The following NPFFR1 variants were observed in gnomAD, a reference collection of about 807,000 sequenced individuals.
NPFFR1 encodes the protein neuropeptide FF receptor 1.
In NPFFR1, 17 loss-of-function variants were observed where a neutral mutation model predicts 12.7. The observed-to-expected ratio is 1.34, with a 90% CI of 0.92 to 2.01. The LOEUF (loss-of-function observed/expected upper bound fraction) is 2.01, where lower values mean the gene tolerates loss of function less well. Ranked by LOEUF, NPFFR1 falls within the 30% of genes most tolerant of loss-of-function variation. The pLI is 0.00. For synonymous variants in NPFFR1, 296 were observed against 264.5 expected, an observed-to-expected ratio of 1.12 and a Z score of -1.16; for missense variants, 604 against 606.5, an observed-to-expected ratio of 1.00 and a Z score of 0.04.
intron 3 of NPFFR1, 48 bp downstream of exon 3, chr10:70,260,592 G>A: frequency 6.6e-7 from 1 of 1,505,488 alleles, no homozygotes; most frequent in Non-Finnish European, 9.1e-7. Context: ...TCCTCTTAAT[G>A]CCAGGCCCTA....
chr10:70,266,371 T>C lies in NPFFR1; in HGVS notation c.28A>G (p.Asn10Asp), dbSNP rs751264055. Reference protein sequence around the residue: MEGEPSQPPNSSWPLSQNGT... With the variant: MEGEPSQPPDSSWPLSQNGT... ...TTCTGACTTAGGGGCCAACTGCTGTTGGGAGGCTGGGAGGGCTCCCCTAGG... is the reference window on the plus strand; with the variant it reads ...TTCTGACTTAGGGGCCAACTGCTGTCGGGAGGCTGGGAGGGCTCCCCTAGG... Residue 10 changes from asparagine to aspartate, a missense_variant, in exon 2 of 4, where the codon AAC becomes GAC. Asn to Asp is a conservative substitution (Grantham distance 23). Transcript: ENST00000277942. The C allele has an allele frequency of 6.8e-6, 11 of 1,612,898 alleles. No individual in the cohort carries two copies. In the Admixed American group the frequency reaches 1.0e-4, roughly 15 times the overall value.
chr10:70,271,515 A>G (rs1840742394), intron 1 of NPFFR1, among the ~76,000 whole-genome samples: 1 of 152,072 alleles, frequency 6.6e-6, no homozygotes, highest in Non-Finnish European at 1.5e-5. Context: ...TCTTTCTCAA[A>G]TAAAAAATAA....
chr10:70,278,496 G>T (rs1244006232), intron 1 of NPFFR1, among the ~76,000 whole-genome samples: 10 of 152,058 alleles, frequency 6.6e-5, no homozygotes, highest in Non-Finnish European at 1.5e-4. Flanking sequence ...TTGCCTTGTG[G>T]GTGTTACAGC....
chr10:70,259,945 C>T (rs1177520080), intron 3 of NPFFR1, among the ~76,000 whole-genome samples: 4 of 152,208 alleles, frequency 2.6e-5, no homozygotes, highest in Non-Finnish European at 5.9e-5. Context: ...GATCTGCCTG[C>T]CCACCTTTCC....
Position 70,248,485 on chromosome 10 carries a change from G to GTTTTTTTTTTTTTTTTT in NPFFR1, c.*6455_*6471dup, listed in dbSNP as rs869052329. 1.1e-5 allele frequency: 1 copy of GTTTTTTTTTTTTTTTTT among 91,320 alleles called. No individual in the cohort carries two copies. Among genetic ancestry groups the GTTTTTTTTTTTTTTTTT allele is most frequent in the African/African-American group, 4.2e-5 (1 of 23,960 alleles). 5.7% of individuals were successfully genotyped at this position (91,320 alleles called of 1,614,324 possible). A position where few individuals can be genotyped will look rare whatever the true frequency, so the allele number is the denominator to read the frequency against. ...GCCTGGCGTTTTTTTTTTGTTTTTT[G>GTTTTTTTTTTTTTTTTT]TTTTTTTTTTTTTTTTTTGAGATGG... On this transcript the variant is annotated 3_prime_UTR_variant, in exon 4 of 4. Transcript: ENST00000277942.
Position 70,260,686 on chromosome 10 carries a change from A to C in NPFFR1, c.376T>G (p.Ser126Ala), listed in dbSNP as rs1840623348. The C allele has an allele frequency of 1.2e-6, 2 of 1,611,312 alleles. No homozygotes were observed. Among genetic ancestry groups the C allele is most frequent in the South Asian group, 2.2e-5 (2 of 90,418 alleles). ...CKMSGLVQGMSVSASVFTLVA... is the reference protein window; with the variant it reads ...CKMSGLVQGMAVSASVFTLVA... ...AGTGTGAAAACGGAAGCCGACACAGACATGCCCTGCACCAAGCCGCTCATC... is the reference window on the plus strand; with the variant it reads ...AGTGTGAAAACGGAAGCCGACACAGCCATGCCCTGCACCAAGCCGCTCATC... The change falls in exon 3 of 4, where the codon TCT becomes GCT. Residue 126 changes from serine (S) to alanine (A), a missense_variant. Physicochemically the swap from Ser to Ala is moderately conservative, Grantham distance 99 (BLOSUM62 1). Coordinates refer to ENST00000277942, the MANE Select transcript of NPFFR1 (RefSeq NM_022146.5).
chr10:70,274,405 C>T (rs1840780283), intron 1 of NPFFR1, among the ~76,000 whole-genome samples: 1 of 151,954 alleles, frequency 6.6e-6, no homozygotes, highest in Admixed American at 6.6e-5. Flanking sequence ...GCTGAGATCG[C>T]ACCACAGCAC....
intron 1 of NPFFR1, among the ~76,000 whole-genome samples, chr10:70,268,519 G>C (rs529451611): frequency 4.6e-5 from 7 of 152,126 alleles, no homozygotes; most frequent in African/African-American, 1.7e-4. Flanking sequence ...TTCTTCTCCT[G>C]GTCTCTCTTG....
intron 1 of NPFFR1, among the ~76,000 whole-genome samples, chr10:70,267,898 C>T (rs1042954869): frequency 3.3e-5 from 5 of 152,134 alleles, no homozygotes; most frequent in Admixed American, 6.5e-5. Context: ...GGGACTGCGG[C>T]GGGAGGCGGA....
intron 2 of NPFFR1, among the ~76,000 whole-genome samples, 193 bp downstream of exon 2, chr10:70,265,884 G>A (rs763078143): frequency 9.2e-5 from 14 of 152,336 alleles, no homozygotes; most frequent in Middle Eastern, 3.4e-3. Context: ...AAAGAAAACA[G>A]GAAATTCATT....
At chr10:70,274,149 G>A (rs767763025) in intron 1 of NPFFR1, among the ~76,000 whole-genome samples, 6 of 152,134 alleles carry the variant, frequency 3.9e-5, no homozygotes, top group Non-Finnish European at 8.8e-5. Context: ...GTCACTGACT[G>A]CATATAACAG....
At position 70,251,849 on chromosome 10, in the gene NPFFR1, A is replaced by C. The variant is rs1212839658; in HGVS notation, c.*3108T>G. 6.6e-6 allele frequency: 1 copy of C among 152,202 alleles called. No homozygotes were observed. Among genetic ancestry groups the C allele is most frequent in the Non-Finnish European group, 1.5e-5 (1 of 68,052 alleles). The allele number at this position is 152,202 out of a possible 1,614,324, so 9.4% of individuals were successfully genotyped here. On this transcript the variant is annotated 3_prime_UTR_variant, in exon 4 of 4. Coordinates refer to ENST00000277942, the MANE Select transcript of NPFFR1 (RefSeq NM_022146.5). ...ATAATTATAAAATAGCTTCATAAAA[A>C]CATCTTGTAGAGGAAACATACAATT...
rs117275900 is a variant in NPFFR1, at chr10:70,261,263, G to A, written c.323-524C>T. Among the ~76,000 whole-genome samples, 1,047 of 152,130 alleles carry A rather than the reference G, an allele frequency of 6.9e-3. 7 individuals are homozygous for A. Among genetic ancestry groups the A allele is most frequent in the Non-Finnish European group, 0.012 (784 of 68,008 alleles). On this transcript the variant is annotated intron_variant, in intron 2 of 3. Transcript: ENST00000277942. ...TATATGGGGCTTCTCCCTTCACTCC[G>A]TTCTCATTCTTCTCTCTCCTGCTGA...
rs1246920730 is a variant in NPFFR1 at position 70,254,088 on chromosome 10, C to G, written c.*869G>C. 6.6e-6 allele frequency: 1 copy of G among 152,208 alleles called. No homozygotes were observed. The allele number at this position is 152,208 out of a possible 1,614,324, so 9.4% of individuals were successfully genotyped here. A position where few individuals can be genotyped will look rare whatever the true frequency, so the allele number is the denominator to read the frequency against. On this transcript the variant is annotated 3_prime_UTR_variant, in exon 4 of 4. Coordinates refer to ENST00000277942, the MANE Select transcript of NPFFR1 (RefSeq NM_022146.5). ...GATGTGTTTCCCAATGTGGAAAATGCATACCGTGCTTCCCCTTCCTCGTTG... is the reference window on the plus strand; with the variant it reads ...GATGTGTTTCCCAATGTGGAAAATGGATACCGTGCTTCCCCTTCCTCGTTG...
chr10:70,258,071 C>T (rs990258411), intron 3 of NPFFR1, among the ~76,000 whole-genome samples: 5 of 152,242 alleles, frequency 3.3e-5, no homozygotes, highest in South Asian at 2.1e-4. Context: ...AGACCGGTGC[C>T]GGCGCAGGTC....
At position 70,248,467 on chromosome 10, in the gene NPFFR1, G is replaced by GTTTTTTTTTTTTTTTTTTTTTTTTTTTT. The variant is rs71472949; in HGVS notation, c.*6489_*6490insAAAAAAAAAAAAAAAAAAAAAAAAAAAA. On this transcript the variant is annotated 3_prime_UTR_variant, in exon 4 of 4. Transcript: ENST00000277942. ...CAAAGTACGTAGTACTATGCCTGGC[G>GTTTTTTTTTTTTTTTTTTTTTTTTTTTT]TTTTTTTTTTGTTTTTTGTTTTTTT... The GTTTTTTTTTTTTTTTTTTTTTTTTTTTT allele has an allele frequency of 1.0e-5, 1 of 96,740 alleles. No homozygotes were observed. Among genetic ancestry groups the GTTTTTTTTTTTTTTTTTTTTTTTTTTTT allele is most frequent in the Non-Finnish European group, 2.0e-5 (1 of 50,596 alleles). 6.0% of individuals were successfully genotyped at this position (96,740 alleles called of 1,614,324 possible).
At chr10:70,273,086 A>C (rs537493148) in intron 1 of NPFFR1, among the ~76,000 whole-genome samples, 33 of 152,212 alleles carry the variant, frequency 2.2e-4, no homozygotes, top group Non-Finnish European at 8.8e-5. Flanking sequence ...GTGATAAAAT[A>C]CTGATGATGT....
chr10:70,260,621 C>T lies in NPFFR1; in HGVS notation c.422+19G>A. 6.3e-7 allele frequency: 1 copy of T among 1,593,006 alleles called. No individual in the cohort carries two copies. Among genetic ancestry groups the T allele is most frequent in the Non-Finnish European group, 8.6e-7 (1 of 1,168,946 alleles). On this transcript the variant is annotated intron_variant, in intron 3 of 3. Coordinates refer to ENST00000277942, the MANE Select transcript of NPFFR1 (RefSeq NM_022146.5). The stretch of plus-strand genomic sequence containing the variant: ...GGCCCTAGTTGGCTCAGGCATAATC[C>T]AGCCAGGAAACCTCTCACCTTTCCA...
intron 1 of NPFFR1, among the ~76,000 whole-genome samples, chr10:70,274,891 C>A (rs1453317193): frequency 6.6e-6 from 1 of 152,172 alleles, no homozygotes; most frequent in African/African-American, 2.4e-5. Flanking sequence ...CAAGCCTTGG[C>A]AAAAGCTTTC....
Sources: allele counts gnomAD v4.1 joint callset (sites outside exome capture counted in the v4.1 genomes callset), GRCh38; gene constraint gnomAD v4.1.1; transcripts MANE v1.5; gene names NCBI Gene and HGNC (gene_info 2026-07-23, HGNC 2026-07-21).